Variants in NR6A1 observed in about 807,000 individuals in gnomAD.
NR6A1 encodes the protein retinoic acid receptor-related testis-associated receptor.
NR6A1 carries 7 observed loss-of-function variants against 59.1 expected under a neutral mutation model. The ratio of observed to expected loss-of-function variants is 0.12; its 90% CI spans 0.07 to 0.22. The LOEUF is 0.22. Among genes scored for constraint, NR6A1 ranks in the 10% least tolerant of loss-of-function variants. The pLI is 1.00. For missense variants in NR6A1, 468 were observed against 611.6 expected, an observed-to-expected ratio of 0.77 and a Z score of 2.48; for synonymous variants, 243 against 236.1, an observed-to-expected ratio of 1.03 and a Z score of -0.27.
intron 2 of NR6A1, among the ~76,000 whole-genome samples, chr9:124,585,293 CACTTTTGG>C (rs1474680301): frequency 6.6e-6 from 1 of 152,154 alleles, no homozygotes; most frequent in African/African-American, 2.4e-5. Context: ...GTAATCCCAG[CACTTTTGG>C]AGGCCAAGGC....
intron 2 of NR6A1, chr9:124,599,369 A>T: frequency 2.8e-6 from 1 of 360,982 alleles, no homozygotes. Context: ...CAGTGAGCCG[A>T]GATGGCGCCA....
intron 2 of NR6A1, among the ~76,000 whole-genome samples, chr9:124,625,385 T>C (rs1264250207): frequency 2.6e-5 from 4 of 152,154 alleles, no homozygotes; most frequent in African/African-American, 9.7e-5. Context: ...TGAAGTGCAG[T>C]GGCATGATCA....
rs965658022 is a variant in NR6A1, at chr9:124,609,740, A to G, written c.143-55170T>C. On this transcript the variant is annotated intron_variant, in intron 2 of 9. Transcript: ENST00000487099. ...ACAATATTGATTCTTCCTATCCATGAGCAAGGGATGTTTTTCCATTTGTTT... is the reference window on the plus strand; with the variant it reads ...ACAATATTGATTCTTCCTATCCATGGGCAAGGGATGTTTTTCCATTTGTTT... Among the ~76,000 whole-genome samples the G allele has an allele frequency of 2.6e-5, 4 of 152,222 alleles. No individual in the cohort carries two copies. The South Asian group carries it at 8.3e-4, about 32-fold the overall frequency.
At chr9:124,639,857 T>TA (rs1836721368) in intron 2 of NR6A1, among the ~76,000 whole-genome samples, 1 of 152,122 alleles carries the variant, frequency 6.6e-6, no homozygotes, top group Admixed American at 6.5e-5. Flanking sequence ...TGGAGTGTGT[T>TA]AAAGAGAGAA....
intron 1 of NR6A1, among the ~76,000 whole-genome samples, chr9:124,765,592 G>C (rs1391577602): frequency 6.6e-6 from 1 of 152,120 alleles, no homozygotes; most frequent in African/African-American, 2.4e-5. Context: ...GTAGCTTGGG[G>C]ATCAAAAGAT....
intron 2 of NR6A1, among the ~76,000 whole-genome samples, chr9:124,568,186 A>AAAG (rs1564183209): frequency 1.4e-5 from 2 of 148,134 alleles, no homozygotes; most frequent in African/African-American, 5.0e-5. Flanking sequence ...AAAAAAAAAA[A>AAAG]AAAAAAAAAG....
intron 3 of NR6A1, among the ~76,000 whole-genome samples, chr9:124,547,034 G>C (rs776067844): frequency 1.3e-5 from 2 of 152,232 alleles, no homozygotes; most frequent in Non-Finnish European, 2.9e-5. Flanking sequence ...TTTTTCAGCA[G>C]GGCTAAAATC....
chr9:124,635,006 C>T (rs1836560521), intron 2 of NR6A1, among the ~76,000 whole-genome samples: 1 of 152,106 alleles, frequency 6.6e-6, no homozygotes, highest in Admixed American at 6.6e-5. Context: ...ACATCATTAT[C>T]ACCTAAGTCC....
chr9:124,562,739 C>CA (rs1406586849), intron 2 of NR6A1, among the ~76,000 whole-genome samples: 2 of 151,978 alleles, frequency 1.3e-5, no homozygotes, highest in African/African-American at 4.8e-5. Flanking sequence ...TTTTCAGAGG[C>CA]AAAAATGTCA....
At chr9:124,617,172 GGCT>G (rs2130853657) in intron 2 of NR6A1, among the ~76,000 whole-genome samples, 1 of 152,290 alleles carries the variant, frequency 6.6e-6, no homozygotes, top group Non-Finnish European at 1.5e-5. Context: ...ATTTCAGCCA[GGCT>G]GCCAATCATT....
In NR6A1 at chr9:124,727,811, A is replaced by G. The variant is rs571450572; in HGVS notation, c.142+5497T>C. 9.9e-5 allele frequency among the ~76,000 whole-genome samples: 15 copies of G among 151,572 alleles called. No individual in the cohort carries two copies. In the East Asian group the frequency reaches 2.9e-3, roughly 30 times the overall value. ...GCGATTCTCCTGCCTCAGCCTCCCA[A>G]GTAACTGAGATTATAGGCATGTGCC... On this transcript the variant is annotated intron_variant, in intron 2 of 9. Coordinates refer to ENST00000487099, the MANE Select transcript of NR6A1 (RefSeq NM_033334.4).
intron 2 of NR6A1, among the ~76,000 whole-genome samples, chr9:124,672,496 T>G (rs1837825249): frequency 6.6e-6 from 1 of 152,010 alleles, no homozygotes; most frequent in Middle Eastern, 3.4e-3. Context: ...AAGCCTGTAG[T>G]CCCAGCAACT....
At chr9:124,536,382 T>C (rs1833267745) in intron 6 of NR6A1, among the ~76,000 whole-genome samples, 1 of 151,654 alleles carries the variant, frequency 6.6e-6, no homozygotes, top group African/African-American at 2.4e-5. Context: ...GACTTAGAAA[T>C]GTGTGCAATT....
rs536819099 is a variant in NR6A1, at chr9:124,769,904, A to C, written c.100+1116T>G. On this transcript the variant is annotated intron_variant, in intron 1 of 9. Coordinates refer to ENST00000487099, the MANE Select transcript of NR6A1 (RefSeq NM_033334.4). ...TTTTACGACCTCACAAAAGCTCCTA[A>C]CACGTTACCAATAAAAACATTCCGC... Among the ~76,000 whole-genome samples, 4 of 152,372 alleles carry C rather than the reference A, an allele frequency of 2.6e-5. No individual in the cohort carries two copies. In the South Asian group the frequency reaches 8.3e-4, roughly 32 times the overall value.
intron 2 of NR6A1, among the ~76,000 whole-genome samples, chr9:124,560,370 T>G (rs1314121321): frequency 6.6e-6 from 1 of 152,192 alleles, no homozygotes; most frequent in Non-Finnish European, 1.5e-5. Context: ...TTTGGGGATC[T>G]GGGTCCTGCC....
At chr9:124,615,481 G>C (rs1256669560) in intron 2 of NR6A1, among the ~76,000 whole-genome samples, 1 of 152,140 alleles carries the variant, frequency 6.6e-6, no homozygotes, top group African/African-American at 2.4e-5. Context: ...TCAAACACTG[G>C]AAACTAGCAA....
intron 2 of NR6A1, among the ~76,000 whole-genome samples, chr9:124,564,286 T>G (rs1834169697): frequency 6.6e-6 from 1 of 152,142 alleles, no homozygotes; most frequent in South Asian, 2.1e-4. Context: ...AACAAAAAAG[T>G]GCTTTTCTTT....
chr9:124,600,621 T>C (rs1835419888), intron 2 of NR6A1, among the ~76,000 whole-genome samples: 1 of 152,198 alleles, frequency 6.6e-6, no homozygotes, highest in Non-Finnish European at 1.5e-5. Context: ...CATCATCTGC[T>C]GACCTCCAAC....
At chr9:124,691,318 T>G (rs1838537486) in intron 2 of NR6A1, among the ~76,000 whole-genome samples, 1 of 152,216 alleles carries the variant, frequency 6.6e-6, no homozygotes, top group African/African-American at 2.4e-5. Flanking sequence ...TTGATATTTT[T>G]TCTTTTAACG....
Sources: gnomAD v4.1 joint callset for allele counts (sites outside exome capture counted in the v4.1 genomes callset) on GRCh38, gnomAD v4.1.1 for gene constraint, MANE v1.5 for transcripts, NCBI Gene and HGNC (gene_info 2026-07-23, HGNC 2026-07-21) for gene names.